The following CDC42SE2 variants were observed in gnomAD, a reference collection of about 807,000 sequenced individuals.
CDC42SE2 encodes CDC42 small effector protein 2.
CDC42SE2 carries 3 observed loss-of-function variants against 11.5 expected under a neutral mutation model. The observed-to-expected ratio is 0.26, with a 90% CI of 0.12 to 0.67. CDC42SE2 has a LOEUF of 0.67. Among genes scored for constraint, CDC42SE2 ranks in the 30% least tolerant of loss-of-function variants. The pLI, the probability that CDC42SE2 is intolerant of heterozygous loss-of-function variation, is 0.80. For synonymous variants in CDC42SE2, 33 were observed against 34.8 expected, an observed-to-expected ratio of 0.95 and a Z score of 0.18; for missense variants, 82 against 106.8, an observed-to-expected ratio of 0.77 and a Z score of 1.02.
At chr5:131,340,371 C>T (rs568744208) in intron 2 of CDC42SE2, among the ~76,000 whole-genome samples, 10 of 152,138 alleles carry the variant, frequency 6.6e-5, no homozygotes, top group Non-Finnish European at 1.2e-4. Context: ...ATATGCTACC[C>T]GTCGGTTAAT....
intron 1 of CDC42SE2, among the ~76,000 whole-genome samples, chr5:131,295,472 A>G (rs1431246548): frequency 1.3e-5 from 2 of 152,172 alleles, no homozygotes; most frequent in Non-Finnish European, 2.9e-5. Flanking sequence ...ACATATACAG[A>G]ATGGTCTCCA....
chr5:131,229,628 G>A, the CDC42SE2 span, among the ~76,000 whole-genome samples: 1 of 151,798 alleles, frequency 6.6e-6, no homozygotes, highest in African/African-American at 2.4e-5. Flanking sequence ...TTGTTTGTTT[G>A]TTTTTAAATA....
At chr5:131,225,300 G>A in the CDC42SE2 span, among the ~76,000 whole-genome samples, 4 of 152,154 alleles carry the variant, frequency 2.6e-5, no homozygotes, top group Non-Finnish European at 5.9e-5. Flanking sequence ...AAACTAACGG[G>A]ATTTCAGGCC....
chr5:131,382,627 G>T (rs1395218573), intron 3 of CDC42SE2, among the ~76,000 whole-genome samples: 1 of 152,164 alleles, frequency 6.6e-6, no homozygotes, highest in African/African-American at 2.4e-5. Flanking sequence ...GCTTGAGAGA[G>T]CCAAGTGGCT....
intron 2 of CDC42SE2, among the ~76,000 whole-genome samples, chr5:131,333,348 C>A (rs1396737266): frequency 1.3e-5 from 2 of 152,198 alleles, no homozygotes; most frequent in African/African-American, 2.4e-5. Context: ...GGTACCAGTA[C>A]CATGCTGTTT....
intron 2 of CDC42SE2, among the ~76,000 whole-genome samples, chr5:131,258,827 A>G (rs1300551578): frequency 6.6e-6 from 1 of 152,222 alleles, no homozygotes; most frequent in Non-Finnish European, 1.5e-5. Context: ...GTGTCTATTT[A>G]TTCAAATGTT....
intron 1 of CDC42SE2, among the ~76,000 whole-genome samples, chr5:131,287,466 TTTTC>T (rs1757364754): frequency 6.6e-6 from 1 of 151,768 alleles, no homozygotes; most frequent in African/African-American, 2.4e-5. Context: ...TTTTTTTTCT[TTTTC>T]TTTTTTTTTT....
chr5:131,241,792 A>G (rs1756542750), upstream of CDC42SE2, among the ~76,000 whole-genome samples: 2 of 152,104 alleles, frequency 1.3e-5, no homozygotes, highest in South Asian at 2.1e-4. Flanking sequence ...CTTCTCAGTG[A>G]AGTCTACCTT....
chr5:131,365,776 A>T (rs1472203547), intron 3 of CDC42SE2, among the ~76,000 whole-genome samples: 1 of 152,200 alleles, frequency 6.6e-6, no homozygotes, highest in Non-Finnish European at 1.5e-5. Context: ...AGGTCAGAAG[A>T]TCGAGACCAT....
At chr5:131,279,422 C>T (rs1403851004) in intron 1 of CDC42SE2, among the ~76,000 whole-genome samples, 1 of 150,620 alleles carries the variant, frequency 6.6e-6, no homozygotes, top group Non-Finnish European at 1.5e-5. Context: ...AGAACTGATT[C>T]AGTTTGTTAT....
chr5:131,239,153 C>A, the CDC42SE2 span, among the ~76,000 whole-genome samples: 39 of 148,218 alleles, frequency 2.6e-4, 1 homozygote, highest in East Asian at 7.1e-3. Flanking sequence ...GAGACAGACT[C>A]TGTCTCAAAA....
intron 2 of CDC42SE2, among the ~76,000 whole-genome samples, chr5:131,339,497 G>A (rs181112373): frequency 2.0e-4 from 31 of 152,004 alleles, no homozygotes; most frequent in Non-Finnish European, 4.1e-4. Flanking sequence ...GAGCCAAATA[G>A]AACTTATTAA....
intron 2 of CDC42SE2, among the ~76,000 whole-genome samples, chr5:131,336,620 T>C (rs183594212): frequency 4.1e-4 from 63 of 152,326 alleles, no homozygotes; most frequent in Non-Finnish European, 1.8e-4. Context: ...TTGAGACGTA[T>C]ATTTGGTCTT....
At chr5:131,278,736 CCCCT>C (rs1196962413) in intron 1 of CDC42SE2, among the ~76,000 whole-genome samples, 3 of 4,138 alleles carry the variant, frequency 7.2e-4, no homozygotes, top group African/African-American at 2.6e-3. Flanking sequence ...CCCCTCCCCT[CCCCT>C]CCCCCTCCCC....
At chr5:131,255,344 T>C (rs1756671810) in intron 2 of CDC42SE2, 1 of 152,178 alleles carries the variant, frequency 6.6e-6, no homozygotes. Context: ...TAAATTATAT[T>C]ATTAAAATTA....
intron 4 of CDC42SE2, among the ~76,000 whole-genome samples, chr5:131,390,353 A>G (rs998635389): frequency 6.6e-6 from 1 of 152,096 alleles, no homozygotes; most frequent in African/African-American, 2.4e-5. Flanking sequence ...TATATGTGAG[A>G]TATCTGTAAA....
chr5:131,336,292 A>G (rs903011586), intron 2 of CDC42SE2, among the ~76,000 whole-genome samples: 3 of 152,166 alleles, frequency 2.0e-5, no homozygotes, highest in Non-Finnish European at 4.4e-5. Flanking sequence ...AATGTTGAAT[A>G]TTGTCCCCCA....
intron 1 of CDC42SE2, among the ~76,000 whole-genome samples, chr5:131,283,072 C>T (rs1474101620): frequency 1.3e-5 from 2 of 151,300 alleles, no homozygotes; most frequent in Non-Finnish European, 2.9e-5. Flanking sequence ...GGATTACAGG[C>T]ATGTGCCACC....
intron 1 of CDC42SE2, among the ~76,000 whole-genome samples, chr5:131,283,327 C>T (rs1348235642): frequency 2.6e-5 from 4 of 152,120 alleles, no homozygotes; most frequent in Admixed American, 2.6e-4. Flanking sequence ...TCTGTTCTTC[C>T]CTCCCCACAT....
Sources: gnomAD v4.1 joint callset for allele counts (sites outside exome capture counted in the v4.1 genomes callset) on GRCh38, gnomAD v4.1.1 for gene constraint, MANE v1.5 for transcripts, NCBI Gene and HGNC (gene_info 2026-07-23, HGNC 2026-07-21) for gene names.